Variants in NAALADL2 observed in about 807,000 individuals in gnomAD.
NAALADL2 encodes N-acetylated alpha-linked acidic dipeptidase like 2.
In NAALADL2, 76 loss-of-function variants were observed where a neutral mutation model predicts 87.2. The observed-to-expected ratio is 0.87, with a 90% CI of 0.72 to 1.05. The LOEUF is 1.05. Ranked by LOEUF, NAALADL2 falls within the 50% of genes least tolerant of loss-of-function variation. The pLI is 0.00. For synonymous variants in NAALADL2, 354 were observed against 331.0 expected (o/e 1.07, Z -0.75); for missense variants, 1,089 against 945.8 (o/e 1.15, Z -1.99).
chr3:175,788,995 A>G (rs1043000826), intron 13 of NAALADL2, among the ~76,000 whole-genome samples: 6 of 152,170 alleles, frequency 3.9e-5, no homozygotes, highest in African/African-American at 1.4e-4. Flanking sequence ...TTATATTTCA[A>G]GGTCTTCATG....
intron 10 of NAALADL2, among the ~76,000 whole-genome samples, chr3:175,593,514 A>T (rs1721824152): frequency 6.6e-6 from 1 of 152,186 alleles, no homozygotes; most frequent in Admixed American, 6.5e-5. Flanking sequence ...TGAGTGACTT[A>T]AACAAGAGAA....
chr3:174,610,033 T>C (rs1241267131), intron 2 of NAALADL2, among the ~76,000 whole-genome samples: 2 of 152,086 alleles, frequency 1.3e-5, no homozygotes, highest in Non-Finnish European at 2.9e-5. Flanking sequence ...ATCTGATCTT[T>C]GACAAACCTG....
Position 175,741,638 on chromosome 3 carries a change from T to G in NAALADL2, c.1990+4239T>G, listed in dbSNP as rs562218357. On this transcript the variant is annotated intron_variant, in intron 12 of 13. Coordinates refer to ENST00000454872, the MANE Select transcript of NAALADL2 (RefSeq NM_207015.3). ...AAAAACCATGAAAATATAACTTTTT[T>G]GGGGCAGAATTAAGAACCCAGAAGA... Among the ~76,000 whole-genome samples the G allele has an allele frequency of 8.5e-5, 13 of 152,218 alleles. No homozygotes were observed. In the East Asian group the frequency reaches 1.5e-3, roughly 18 times the overall value.
intron 13 of NAALADL2, among the ~76,000 whole-genome samples, chr3:175,799,906 G>A (rs1327768323): frequency 2.0e-5 from 3 of 152,110 alleles, no homozygotes; most frequent in Non-Finnish European, 4.4e-5. Context: ...TTGGAGAATA[G>A]CAAAGGGAAA....
At chr3:175,333,876 G>A (rs1360946263) in intron 5 of NAALADL2, among the ~76,000 whole-genome samples, 1 of 152,112 alleles carries the variant, frequency 6.6e-6, no homozygotes, top group Non-Finnish European at 1.5e-5. Flanking sequence ...CAAGGTAATA[G>A]ATACCCTAAA....
At chr3:174,797,740 G>A (rs745560132) in intron 3 of NAALADL2, among the ~76,000 whole-genome samples, 8 of 152,114 alleles carry the variant, frequency 5.3e-5, no homozygotes, top group Non-Finnish European at 7.4e-5. Context: ...CTCCAGAAAT[G>A]AGAGAATTAA....
At chr3:175,350,399 G>A (rs142281303) in intron 5 of NAALADL2, among the ~76,000 whole-genome samples, 1 of 152,210 alleles carries the variant, frequency 6.6e-6, no homozygotes, top group East Asian at 1.9e-4. Flanking sequence ...GTAGAGAAAG[G>A]TTTTTCTTCC....
chr3:174,716,868 C>G (rs1271539792), intron 2 of NAALADL2, among the ~76,000 whole-genome samples: 1 of 152,032 alleles, frequency 6.6e-6, no homozygotes, highest in Non-Finnish European at 1.5e-5. Context: ...GAAAGCCTAG[C>G]TCCAGAAGAC....
intron 11 of NAALADL2, among the ~76,000 whole-genome samples, chr3:175,689,377 T>C (rs1369175368): frequency 6.6e-6 from 1 of 152,134 alleles, no homozygotes; most frequent in East Asian, 1.9e-4. Context: ...AGAGTTAAGA[T>C]ATATGCTAGA....
intron 11 of NAALADL2, among the ~76,000 whole-genome samples, chr3:175,667,065 G>A (rs1047616566): frequency 6.7e-6 from 1 of 149,730 alleles, no homozygotes; most frequent in South Asian, 2.1e-4. Flanking sequence ...ATTAAAAATA[G>A]TGAAACTTAA....
At chr3:175,395,299 A>G (rs1769632955) in intron 5 of NAALADL2, among the ~76,000 whole-genome samples, 1 of 152,142 alleles carries the variant, frequency 6.6e-6, no homozygotes, top group South Asian at 2.1e-4. Flanking sequence ...TATTTTTTGA[A>G]ATTTTCATTT....
At chr3:175,379,962 C>T (rs914266690) in intron 5 of NAALADL2, among the ~76,000 whole-genome samples, 1 of 152,040 alleles carries the variant, frequency 6.6e-6, no homozygotes, top group Non-Finnish European at 1.5e-5. Flanking sequence ...AAAAACCAAA[C>T]ACTGCATGTT....
chr3:175,215,952 T>C (rs1742453510), intron 2 of NAALADL2, among the ~76,000 whole-genome samples: 1 of 152,152 alleles, frequency 6.6e-6, no homozygotes, highest in African/African-American at 2.4e-5. Context: ...TTAGAGGTAA[T>C]AGAATGATTT....
At chr3:175,299,685 A>G (rs1756799063) in intron 4 of NAALADL2, among the ~76,000 whole-genome samples, 1 of 152,112 alleles carries the variant, frequency 6.6e-6, no homozygotes, top group Non-Finnish European at 1.5e-5. Context: ...CAGCTTAAGG[A>G]GTTTTTGGGC....
At chr3:175,479,467 T>A (rs6805711) in intron 9 of NAALADL2, among the ~76,000 whole-genome samples, 115,556 of 151,014 alleles carry the variant, frequency 0.77, 44,430 homozygotes, top group East Asian at 0.9. Context: ...TTTCCTTCAA[T>A]CATCTTGTGA....
At chr3:174,699,494 CAAA>C (rs5854590) in intron 2 of NAALADL2, among the ~76,000 whole-genome samples, 3 of 121,164 alleles carry the variant, frequency 2.5e-5, no homozygotes, top group African/African-American at 2.8e-5. Context: ...AACTCCATCT[CAAA>C]AAAAAAAAAA....
At chr3:175,736,913 C>T (rs1744577101) in intron 11 of NAALADL2, among the ~76,000 whole-genome samples, 1 of 152,102 alleles carries the variant, frequency 6.6e-6, no homozygotes, top group African/African-American at 2.4e-5. Context: ...CTGAAGTTTT[C>T]CTTAGTCCAA....
chr3:174,738,482 A>G (rs960526012), intron 3 of NAALADL2, among the ~76,000 whole-genome samples: 10 of 152,196 alleles, frequency 6.6e-5, no homozygotes, highest in Admixed American at 1.3e-4. Flanking sequence ...AGGGTCAGGC[A>G]AGTAATGCAG....
chr3:175,270,796 C>T (rs1202297141), intron 4 of NAALADL2, among the ~76,000 whole-genome samples: 1 of 152,022 alleles, frequency 6.6e-6, no homozygotes, highest in Admixed American at 6.6e-5. Flanking sequence ...TGAAAAGTGC[C>T]TGCTGGGCCT....
Sources: gnomAD v4.1 joint callset for allele counts (sites outside exome capture counted in the v4.1 genomes callset) on GRCh38, gnomAD v4.1.1 for gene constraint, MANE v1.5 for transcripts, NCBI Gene and HGNC (gene_info 2026-07-23, HGNC 2026-07-21) for gene names.